WNK1: variants seen among roughly 807,000 people sequenced by gnomAD.
WNK1 encodes the protein WNK lysine deficient protein kinase 1, also known as serine/threonine-protein kinase WNK1.
In WNK1, 38 loss-of-function variants were observed where a neutral mutation model predicts 222.8. The observed-to-expected ratio is 0.17, with a 90% confidence interval of 0.13 to 0.22. WNK1 has a LOEUF of 0.22. WNK1 is among the 10% of genes least tolerant of loss of function. The probability of loss-of-function intolerance (pLI) is 1.00; values close to 1 mark genes in which losing one functional copy is unlikely to be tolerated. For synonymous variants in WNK1, 1,090 were observed against 1,092.9 expected (o/e 1.00, Z 0.05); for missense variants, 2,348 against 2,918.4 (o/e 0.80, Z 4.50).
intron 22 of WNK1, among the ~76,000 whole-genome samples, chr12:892,389 T>G (rs1220440066): frequency 1.3e-5 from 2 of 152,224 alleles, no homozygotes; most frequent in African/African-American, 4.8e-5. Flanking sequence ...AATGAGTTTG[T>G]GTTTCAATAG....
At position 889,111 on chromosome 12, in the gene WNK1, C is replaced by T. The variant is rs376751235; in HGVS notation, c.5365-29C>T. 11 of 1,599,802 alleles carry T rather than the reference C, an allele frequency of 6.9e-6. No homozygotes were observed. In the African/African-American group the frequency reaches 1.3e-4, roughly 19 times the overall value. On this transcript the variant is annotated intron_variant, in intron 20 of 27. Transcript: ENST00000315939. Reference sequence around the variant, plus strand: ...TCGTGACTCTGAAGGTGCCACGGAACTGTATTTACTGTGATTGTTTTCATT... The same window carrying T: ...TCGTGACTCTGAAGGTGCCACGGAATTGTATTTACTGTGATTGTTTTCATT...
At position 879,858 on chromosome 12, in the gene WNK1, G is replaced by A; in HGVS notation, c.2659G>A (p.Gly887Arg). Residue 887 changes from glycine to arginine, a missense_variant, in exon 11 of 28, where the codon GGG (glycine) becomes AGG (arginine). Physicochemically the swap from Gly to Arg is moderately radical, Grantham distance 125. Around this residue, in one of 13 missense-constraint regions of WNK1, gnomAD observed 547 missense variants for 558.3 expected, o/e 0.98. Coordinates refer to ENST00000315939, the MANE Select transcript of WNK1 (RefSeq NM_018979.4). ...ASSATTAAIP[G>R]VSTVVPSQLP... ...ATCTGCTACAACAGCTGCGATCCCG[G>A]GGGTATCAACTGTGGTTCCTAGTCA... 6.2e-7 allele frequency: 1 copy of A among 1,614,062 alleles called. No homozygotes were observed. The highest frequency in any genetic ancestry group is 1.6e-4 in the Middle Eastern group (1 of 6,062).
chr12:773,688 G>T (rs1942797531), intron 1 of WNK1, among the ~76,000 whole-genome samples: 1 of 152,108 alleles, frequency 6.6e-6, no homozygotes, highest in South Asian at 2.1e-4. Flanking sequence ...GCTGTCTCAG[G>T]TAGCAAATAG....
chr12:878,447 A>T, intron 10 of WNK1, 86 bp downstream of exon 10: 1 of 1,434,406 alleles, frequency 7.0e-7, no homozygotes. Flanking sequence ...TTGTCCTTTC[A>T]TGTGGATAGA....
chr12:769,356 G>A (rs1342925828), intron 1 of WNK1, among the ~76,000 whole-genome samples: 4 of 151,800 alleles, frequency 2.6e-5, no homozygotes, highest in African/African-American at 7.3e-5. Context: ...ATGCCACCAC[G>A]ACCGGCTAGT....
chr12:846,724 A>G (rs1356855032), intron 4 of WNK1, among the ~76,000 whole-genome samples: 1 of 152,196 alleles, frequency 6.6e-6, no homozygotes, highest in Admixed American at 6.5e-5. Context: ...AGGTTTGAAC[A>G]TTTTGTCTGG....
At chr12:803,403 T>C (rs1259308611) in intron 1 of WNK1, among the ~76,000 whole-genome samples, 2 of 152,198 alleles carry the variant, frequency 1.3e-5, no homozygotes, top group Non-Finnish European at 2.9e-5. Context: ...AAATATACAA[T>C]AGCGTGATAA....
chr12:896,180 G>A lies in WNK1; in HGVS notation c.5693G>A (p.Ser1898Asn), dbSNP rs1193887255. The A allele has an allele frequency of 1.2e-6, 2 of 1,614,194 alleles. No homozygotes were observed. The highest frequency in any genetic ancestry group is 1.7e-6 in the Non-Finnish European group (2 of 1,180,046). The change falls in exon 24 of 28, where the codon AGT (serine) becomes AAT (asparagine). Residue 1898 changes from serine to asparagine, a missense_variant. Physicochemically the swap from Ser to Asn is conservative, Grantham distance 46. Around this residue, in one of 13 missense-constraint regions of WNK1, gnomAD observed 1,144 missense variants for 1,273.6 expected, o/e 0.90. Transcript: ENST00000315939. Reference protein sequence around the residue: ...STSESSVLSSSSPESTLVKPE... With the variant: ...STSESSVLSSNSPESTLVKPE... ...TCAGAGTCCTCAGTGCTATCAAGTA[G>A]TAGTCCAGAGAGTACCTTGGTGAAA...
chr12:815,454 T>A (rs908047819), intron 2 of WNK1, among the ~76,000 whole-genome samples: 2 of 152,174 alleles, frequency 1.3e-5, no homozygotes, highest in African/African-American at 4.8e-5. Flanking sequence ...ACAGATCATT[T>A]CTGTCCTGCA....
At chr12:880,090 G>A in intron 11 of WNK1, 59 bp downstream of exon 11, 2 of 1,518,484 alleles carry the variant, frequency 1.3e-6, no homozygotes, top group South Asian at 1.1e-5. Context: ...AGATCATCAG[G>A]AACATGGAAA....
At chr12:785,771 A>T (rs1339968365) in intron 1 of WNK1, among the ~76,000 whole-genome samples, 2 of 151,662 alleles carry the variant, frequency 1.3e-5, no homozygotes, top group African/African-American at 2.4e-5. Flanking sequence ...TTATTTATTT[A>T]TTTTTTTGCT....
rs778958438 is a variant in WNK1, at chr12:862,093, G to C, written c.1962G>C (p.Thr654=). 1.2e-6 allele frequency: 2 copies of C among 1,613,800 alleles called. No individual in the cohort carries two copies. Among genetic ancestry groups the C allele is most frequent in the East Asian group, 2.2e-5 (1 of 44,874 alleles). Residue 654 remains threonine, a synonymous_variant, in exon 8 of 28, where the codon ACG becomes ACC. Coordinates refer to ENST00000315939, the MANE Select transcript of WNK1 (RefSeq NM_018979.4). The part of the protein sequence containing the change: ...QPSISVLSDG[T]VDSGQGSSVF... ...TCATTTTTCCTTCAGCTGATGGGAC[G>C]GTTGACAGTGGTCAGGGATCCTCTG...
rs757732497 is a variant in WNK1, at chr12:861,182, G to A, written c.1790G>A (p.Ser597Asn). Residue 597 changes from serine to asparagine, a missense_variant, in exon 7 of 28, where the codon AGT (serine) becomes AAT (asparagine). This residue lies in a region of WNK1 where 103 missense variants were observed against 111.5 expected (regional missense o/e 0.92). Transcript: ENST00000315939. ...CTCAAACAGCAGGTAGAACAATCCAGTGCTTCCCAGACAGGAATCAAGCAG... is the reference window on the plus strand; with the variant it reads ...CTCAAACAGCAGGTAGAACAATCCAATGCTTCCCAGACAGGAATCAAGCAG... ...SSLKQQVEQS[S>N]ASQTGIKQLP... 7 of 1,613,794 alleles carry A rather than the reference G, an allele frequency of 4.3e-6. No homozygotes were observed. The highest frequency in any genetic ancestry group is 5.9e-6 in the Non-Finnish European group (7 of 1,179,962).
At chr12:900,185 C>T (rs914087315) in intron 25 of WNK1, among the ~76,000 whole-genome samples, 3 of 151,892 alleles carry the variant, frequency 2.0e-5, no homozygotes, top group African/African-American at 4.8e-5. Context: ...AGGGTTTCAT[C>T]ATGTTGGCCA....
At chr12:839,750 CTCTG>C (rs1949473744) in intron 4 of WNK1, among the ~76,000 whole-genome samples, 1 of 152,064 alleles carries the variant, frequency 6.6e-6, no homozygotes, top group African/African-American at 2.4e-5. Context: ...CAGAGTCTTA[CTCTG>C]TCTTTCAGGC....
chr12:829,817 C>G, intron 3 of WNK1, 186 bp from the exon 4 acceptor site: 1 of 627,506 alleles, frequency 1.6e-6, no homozygotes, highest in East Asian at 2.8e-5. Context: ...AGTGGAAGAT[C>G]TTTTATGAGA....
intron 4 of WNK1, among the ~76,000 whole-genome samples, chr12:840,170 G>A (rs1017751702): frequency 2.6e-5 from 4 of 151,922 alleles, no homozygotes; most frequent in African/African-American, 7.3e-5. Flanking sequence ...CTCTGTCACC[G>A]AGGCTTGAGT....
intron 25 of WNK1, among the ~76,000 whole-genome samples, chr12:900,016 C>CTT (rs11433731): frequency 0.17 from 19,980 of 119,270 alleles, 2,113 homozygotes; most frequent in Middle Eastern, 0.25. Flanking sequence ...GGATTCTTTT[C>CTT]TTTTTTTTTT....
At chr12:900,016 CT>C (rs11433731) in intron 25 of WNK1, among the ~76,000 whole-genome samples, 11 of 119,646 alleles carry the variant, frequency 9.2e-5, no homozygotes, top group Admixed American at 9.5e-5. Context: ...GGATTCTTTT[CT>C]TTTTTTTTTT....
Sources: allele counts gnomAD v4.1 joint callset (sites outside exome capture counted in the v4.1 genomes callset), GRCh38; gene constraint gnomAD v4.1.1; regional missense constraint gnomAD v4.1.1; transcripts MANE v1.5; gene names NCBI Gene and HGNC (gene_info 2026-07-23, HGNC 2026-07-21).